Variants in MME observed in about 807,000 individuals in gnomAD.
The protein encoded by MME is membrane metalloendopeptidase.
A neutral mutation model predicts 113.2 loss-of-function variants in MME; 98 were observed. The ratio of observed to expected loss-of-function variants is 0.87; its 90% CI spans 0.74 to 1.02. The LOEUF (loss-of-function observed/expected upper bound fraction) is 1.02, where lower values mean the gene tolerates loss of function less well. Among genes scored for constraint, MME ranks in the 50% least tolerant of loss-of-function variants. MME has a pLI of 0.00. For synonymous variants in MME, 292 were observed against 300.6 expected (o/e 0.97, Z 0.30); for missense variants, 836 against 896.0 (o/e 0.93, Z 0.86).
chr3:155,147,194 T>C lies in MME; in HGVS notation c.1467T>C (p.Asn489=). 6.2e-7 allele frequency: 1 copy of C among 1,608,608 alleles called. No homozygotes were observed. The highest frequency in any genetic ancestry group is 8.5e-7 in the Non-Finnish European group (1 of 1,175,186). Residue 489 remains asparagine (N), a synonymous_variant, in exon 15 of 23, where the codon AAT becomes AAC. Coordinates refer to ENST00000360490, the MANE Select transcript of MME (RefSeq NM_007289.4). Reference sequence around the variant, plus strand: ...GCTATCCTGATGACATTGTTTCAAATGATAACAAACTGAATAATGAGTACC... The same window carrying C: ...GCTATCCTGATGACATTGTTTCAAACGATAACAAACTGAATAATGAGTACC... ...RIGYPDDIVS[N]DNKLNNEYLE...
chr3:155,117,390 T>C (rs937595839), intron 7 of MME, among the ~76,000 whole-genome samples: 13 of 152,106 alleles, frequency 8.5e-5, no homozygotes, highest in African/African-American at 3.1e-4. Flanking sequence ...AGAAAAGGGA[T>C]TTTAAACATC....
At chr3:155,169,536 A>G (rs1219642662) in intron 20 of MME, among the ~76,000 whole-genome samples, 1 of 152,214 alleles carries the variant, frequency 6.6e-6, no homozygotes, top group Non-Finnish European at 1.5e-5. Context: ...TGCCATGTGC[A>G]TAAGAAAAAG....
At chr3:155,039,517 T>C (rs1422734696) in intron 1 of MME, among the ~76,000 whole-genome samples, 3 of 152,202 alleles carry the variant, frequency 2.0e-5, no homozygotes, top group African/African-American at 7.2e-5. Flanking sequence ...AGCCACTTTT[T>C]TTTTCTAATA....
Position 155,142,335 on chromosome 3 carries a change from A to G in MME, c.1188+5A>G, listed in dbSNP as rs773762376. On this transcript the variant is annotated splice_donor_5th_base_variant and intron_variant, in intron 12 of 22. Transcript: ENST00000360490. The stretch of plus-strand genomic sequence containing the variant: ...TCCAGAAATGCTTTCCGCAAGGTGA[A>G]GAAAAAATCTCTCTTTTCTTAAGAC... 3.1e-6 allele frequency: 5 copies of G among 1,608,708 alleles called. No individual in the cohort carries two copies. In the Admixed American group the frequency reaches 8.3e-5, roughly 27 times the overall value.
At chr3:155,113,653 T>G (rs1718367072) in intron 3 of MME, among the ~76,000 whole-genome samples, 1 of 152,112 alleles carries the variant, frequency 6.6e-6, no homozygotes. Context: ...GTGGAAGATG[T>G]GTAGAATATA....
intron 3 of MME, among the ~76,000 whole-genome samples, chr3:155,092,350 G>C (rs896679308): frequency 6.6e-6 from 1 of 152,212 alleles, no homozygotes; most frequent in African/African-American, 2.4e-5. Flanking sequence ...TGAGGATGCG[G>C]AGAAACTGAA....
At chr3:155,093,024 G>C (rs1333406129) in intron 3 of MME, among the ~76,000 whole-genome samples, 1 of 150,400 alleles carries the variant, frequency 6.6e-6, no homozygotes, top group Non-Finnish European at 1.5e-5. Context: ...TGAATTTTAT[G>C]GTATACAAAT....
chr3:155,173,845 A>G (rs1213179510), intron 22 of MME, among the ~76,000 whole-genome samples: 2 of 152,096 alleles, frequency 1.3e-5, no homozygotes, highest in Non-Finnish European at 2.9e-5. Flanking sequence ...GCTTTGAGGT[A>G]AGAAACACTT....
chr3:155,125,286 T>TACCTCAGATG (rs1719537760), intron 8 of MME, among the ~76,000 whole-genome samples: 4 of 113,698 alleles, frequency 3.5e-5, no homozygotes, highest in South Asian at 3.2e-4. Context: ...TCACGCACGG[T>TACCTCAGATG]GCGTGCACCC....
At chr3:155,125,014 C>A (rs1719498709) in intron 8 of MME, among the ~76,000 whole-genome samples, 1 of 151,988 alleles carries the variant, frequency 6.6e-6, no homozygotes, top group Non-Finnish European at 1.5e-5. Context: ...GCCCCTCCCC[C>A]AGCCTCGCTG....
chr3:155,154,885 G>T (rs1722203567), intron 16 of MME, among the ~76,000 whole-genome samples: 1 of 152,088 alleles, frequency 6.6e-6, no homozygotes, highest in Admixed American at 6.6e-5. Context: ...TTTGTAAAAA[G>T]GACTATTTGA....
Position 155,142,222 on chromosome 3 carries a change from G to GT in MME, c.1095-7dup, listed in dbSNP as rs1197782533. On this transcript the variant is annotated splice_polypyrimidine_tract_variant and intron_variant, in intron 11 of 22. Transcript: ENST00000360490. ...TCATCTTTTCTGTTGCTGGGCGGTG[G>GT]TTTTTTTTATACAGAGATCTTCAAA... 1.7e-5 allele frequency: 27 copies of GT among 1,611,922 alleles called. No homozygotes were observed. Among genetic ancestry groups the GT allele is most frequent in the African/African-American group, 2.7e-5 (2 of 74,700 alleles).
rs183076905 is a variant in MME at position 155,059,839 on chromosome 3, C to T, written c.-10-24319C>T. ...AGTCTAATCAATCAGAAAAGATATA[C>T]ATACACATATGTGTAACAGAAATTA... On this transcript the variant is annotated intron_variant, in intron 1 of 22. Coordinates refer to the MME transcript ENST00000492661. Among the ~76,000 whole-genome samples the T allele has an allele frequency of 7.9e-5, 12 of 152,236 alleles. No individual in the cohort carries two copies. The East Asian group carries it at 2.3e-3, about 29-fold the overall frequency.
chr3:155,026,344 TCTACCA>T (rs1326879549), intron 1 of MME, among the ~76,000 whole-genome samples: 1 of 152,188 alleles, frequency 6.6e-6, no homozygotes, highest in Non-Finnish European at 1.5e-5. Context: ...AAATCCCACT[TCTACCA>T]CTGAATGGCT....
chr3:155,085,343 A>G, intron 3 of MME: 1 of 312,500 alleles, frequency 3.2e-6, no homozygotes, highest in Non-Finnish European at 5.9e-6. Flanking sequence ...CTATATCGCT[A>G]TTTGTATGGA....
At chr3:155,064,506 A>G (rs1269524178) in intron 1 of MME, among the ~76,000 whole-genome samples, 1 of 152,174 alleles carries the variant, frequency 6.6e-6, no homozygotes, top group Non-Finnish European at 1.5e-5. Context: ...AATGTGTGAA[A>G]TAATGAGGAC....
intron 3 of MME, among the ~76,000 whole-genome samples, chr3:155,110,591 G>A (rs61763236): frequency 3.3e-5 from 5 of 152,132 alleles, no homozygotes; most frequent in African/African-American, 7.2e-5. Flanking sequence ...TTATCAGCTC[G>A]AAACATTCAG....
intron 9 of MME, among the ~76,000 whole-genome samples, chr3:155,138,902 G>C (rs1032099854): frequency 2.0e-5 from 3 of 152,060 alleles, no homozygotes; most frequent in Admixed American, 1.3e-4. Context: ...CCAGGTTACT[G>C]ATTAAACCCA....
rs1219910814 is a variant in MME at position 155,181,606 on chromosome 3, G to T, written c.*1147G>T. The T allele has an allele frequency of 6.6e-6, 1 of 152,112 alleles. No homozygotes were observed. The highest frequency in any genetic ancestry group is 1.5e-5 in the Non-Finnish European group (1 of 68,004). The allele number at this position is 152,112 out of a possible 1,614,324, so 9.4% of individuals were successfully genotyped here. A position where few individuals can be genotyped will look rare whatever the true frequency, so the allele number is the denominator to read the frequency against. ...TGAACTCATTGCTCCCTAAGACTGTGACAACTGTCTAACTTTAGAAGTGCA... is the reference window on the plus strand; with the variant it reads ...TGAACTCATTGCTCCCTAAGACTGTTACAACTGTCTAACTTTAGAAGTGCA... On this transcript the variant is annotated 3_prime_UTR_variant, in exon 23 of 23. Coordinates refer to ENST00000360490, the MANE Select transcript of MME (RefSeq NM_007289.4).
Sources: gnomAD v4.1 joint callset for allele counts (sites outside exome capture counted in the v4.1 genomes callset) on GRCh38, gnomAD v4.1.1 for gene constraint, MANE v1.5 for transcripts, NCBI Gene and HGNC (gene_info 2026-07-23, HGNC 2026-07-21) for gene names.